Variants in TMTC1 observed in about 807,000 individuals in gnomAD.
The protein encoded by TMTC1 is transmembrane O-mannosyltransferase targeting cadherins 1, also known as protein O-mannosyl-transferase TMTC1.
In TMTC1, 73 loss-of-function variants were observed where a neutral mutation model predicts 104.8. The ratio of observed to expected loss-of-function variants is 0.70; its 90% CI spans 0.58 to 0.85. TMTC1 has a LOEUF of 0.85. Among genes scored for constraint, TMTC1 ranks in the 40% least tolerant of loss-of-function variants. TMTC1 has a pLI of 0.00. For missense variants in TMTC1, 1,035 were observed against 1,096.1 expected, an observed-to-expected ratio of 0.94 and a Z score of 0.79; for synonymous variants, 434 against 428.7, an observed-to-expected ratio of 1.01 and a Z score of -0.15.
At chr12:29,683,298 C>T (rs1243738700) in intron 5 of TMTC1, among the ~76,000 whole-genome samples, 3 of 152,122 alleles carry the variant, frequency 2.0e-5, no homozygotes, top group Non-Finnish European at 1.5e-5. Flanking sequence ...AGTAGAAACT[C>T]TGACTTTTAA....
intron 5 of TMTC1, among the ~76,000 whole-genome samples, chr12:29,739,213 A>G (rs1942761153): frequency 6.6e-6 from 1 of 152,068 alleles, no homozygotes; most frequent in Non-Finnish European, 1.5e-5. Context: ...CCTTCATGAC[A>G]GGACTCCTGC....
intron 3 of TMTC1, among the ~76,000 whole-genome samples, chr12:29,758,042 A>G (rs1433964969): frequency 1.3e-5 from 2 of 152,192 alleles, no homozygotes; most frequent in Non-Finnish European, 2.9e-5. Context: ...ATATCACAGG[A>G]CATGCTCTGA....
chr12:29,719,362 T>C (rs1435247774), intron 5 of TMTC1, among the ~76,000 whole-genome samples: 1 of 152,206 alleles, frequency 6.6e-6, no homozygotes, highest in Non-Finnish European at 1.5e-5. Context: ...ATTATATGAT[T>C]TGCTCCATTT....
At chr12:29,715,553 G>A (rs302377) in intron 5 of TMTC1, among the ~76,000 whole-genome samples, 117,048 of 152,132 alleles carry the variant, frequency 0.77, 45,167 homozygotes, top group Middle Eastern at 0.83. Context: ...ATTTATTATG[G>A]CCCAGGAACT....
chr12:29,501,735 A>G lies in TMTC1; in HGVS notation c.*5111T>C, dbSNP rs1319224705. The G allele has an allele frequency of 6.6e-6, 1 of 152,192 alleles. No individual in the cohort carries two copies. The highest frequency in any genetic ancestry group is 1.5e-5 in the Non-Finnish European group (1 of 68,016). The allele number at this position is 152,192 out of a possible 1,614,324, so 9.4% of individuals were successfully genotyped here. A position where few individuals can be genotyped will look rare whatever the true frequency, so the allele number is the denominator to read the frequency against. On this transcript the variant is annotated 3_prime_UTR_variant, in exon 18 of 18. Transcript: ENST00000539277. ...GGTGATCTATGCTTACAAACCAATA[A>G]TGACCATATATTGTGGTGGATGCTG...
At chr12:29,678,526 G>A (rs1165389849) in intron 5 of TMTC1, among the ~76,000 whole-genome samples, 1 of 152,166 alleles carries the variant, frequency 6.6e-6, no homozygotes, top group Non-Finnish European at 1.5e-5. Flanking sequence ...ACAAGATTGA[G>A]GGACAGTGGG....
At chr12:29,690,966 G>A (rs1327155477) in intron 5 of TMTC1, among the ~76,000 whole-genome samples, 2 of 152,180 alleles carry the variant, frequency 1.3e-5, no homozygotes, top group African/African-American at 2.4e-5. Context: ...TCATTCCTGA[G>A]TGTCAGCCCA....
At chr12:29,567,583 A>G (rs894508285) in intron 9 of TMTC1, among the ~76,000 whole-genome samples, 1 of 152,246 alleles carries the variant, frequency 6.6e-6, no homozygotes, top group Non-Finnish European at 1.5e-5. Context: ...ATACCACATC[A>G]GCTGAAGAAC....
chr12:29,724,253 C>T (rs577565642), intron 5 of TMTC1, among the ~76,000 whole-genome samples: 11 of 152,276 alleles, frequency 7.2e-5, no homozygotes, highest in African/African-American at 2.4e-4. Flanking sequence ...GATATATCAG[C>T]GTTGGCAGGA....
chr12:29,741,433 T>C (rs1387094485), intron 5 of TMTC1, among the ~76,000 whole-genome samples: 1 of 152,186 alleles, frequency 6.6e-6, no homozygotes, highest in Non-Finnish European at 1.5e-5. Context: ...GATAACAGAC[T>C]TTCCAGAGAG....
At chr12:29,559,436 C>G (rs1415250573) in intron 9 of TMTC1, among the ~76,000 whole-genome samples, 1 of 152,206 alleles carries the variant, frequency 6.6e-6, no homozygotes, top group Non-Finnish European at 1.5e-5. Context: ...AAATGGCTTT[C>G]TCTTTCTCTT....
At chr12:29,731,528 C>G (rs1337391380) in intron 5 of TMTC1, among the ~76,000 whole-genome samples, 2 of 152,278 alleles carry the variant, frequency 1.3e-5, no homozygotes, top group East Asian at 3.9e-4. Flanking sequence ...AGAAACTGTT[C>G]AGGAACTGTC....
intron 8 of TMTC1, among the ~76,000 whole-genome samples, chr12:29,579,974 T>C (rs1322788028): frequency 6.6e-6 from 1 of 152,196 alleles, no homozygotes; most frequent in Non-Finnish European, 1.5e-5. Flanking sequence ...TTAGACAATT[T>C]ACCCTGTCCA....
At chr12:29,592,732 A>G (rs1946312707) in intron 7 of TMTC1, among the ~76,000 whole-genome samples, 1 of 152,186 alleles carries the variant, frequency 6.6e-6, no homozygotes, top group Admixed American at 6.5e-5. Flanking sequence ...TTCTTAATTT[A>G]TTTATACTGT....
intron 5 of TMTC1, among the ~76,000 whole-genome samples, chr12:29,711,100 G>C (rs59499757): frequency 1.3e-5 from 2 of 150,412 alleles, no homozygotes; most frequent in East Asian, 3.9e-4. Flanking sequence ...CTCTTGTCTC[G>C]ACCTCCCAAG....
chr12:29,652,812 A>T (rs974724454), intron 5 of TMTC1, among the ~76,000 whole-genome samples: 4 of 152,208 alleles, frequency 2.6e-5, no homozygotes, highest in African/African-American at 9.6e-5. Flanking sequence ...CTGAAATTCC[A>T]GCATTTTGGG....
At chr12:29,552,132 C>T (rs376556836) in intron 10 of TMTC1, among the ~76,000 whole-genome samples, 1 of 152,066 alleles carries the variant, frequency 6.6e-6, no homozygotes. Context: ...ATATTTCTTT[C>T]GAAGTCAAGG....
chr12:29,619,574 T>C (rs1565714595), intron 6 of TMTC1, among the ~76,000 whole-genome samples: 1 of 152,250 alleles, frequency 6.6e-6, no homozygotes, highest in Non-Finnish European at 1.5e-5. Context: ...AATCCAGCGA[T>C]GGTAGCATGA....
intron 6 of TMTC1, among the ~76,000 whole-genome samples, chr12:29,619,671 C>G (rs1464799179): frequency 6.6e-6 from 1 of 152,194 alleles, no homozygotes; most frequent in African/African-American, 2.4e-5. Context: ...TAAAGCCATC[C>G]ATAATCTTTC....
Sources: gnomAD v4.1 joint callset for allele counts (sites outside exome capture counted in the v4.1 genomes callset) on GRCh38, gnomAD v4.1.1 for gene constraint, MANE v1.5 for transcripts, NCBI Gene and HGNC (gene_info 2026-07-23, HGNC 2026-07-21) for gene names.